Variants in RPTOR observed in about 807,000 individuals in gnomAD.
RPTOR encodes regulatory-associated protein of mTOR.
Under a neutral mutation model 169.9 loss-of-function variants are expected in RPTOR, and 21 were observed. The observed-to-expected ratio is 0.12, with a 90% confidence interval of 0.09 to 0.18. The LOEUF (loss-of-function observed/expected upper bound fraction) is 0.18. RPTOR is among the 10% of genes least tolerant of loss of function. The pLI is 1.00. For synonymous variants in RPTOR, 732 were observed against 753.2 expected (o/e 0.97, Z 0.46); for missense variants, 1,133 against 1,855.9 (o/e 0.61, Z 7.16).
At chr17:80,753,205 A>G (rs2066646173) in intron 5 of RPTOR, among the ~76,000 whole-genome samples, 2 of 152,240 alleles carry the variant, frequency 1.3e-5, no homozygotes, top group African/African-American at 2.4e-5. Context: ...GTCTCTTTTG[A>G]TGGGTCGCTT....
rs368045989 is a variant in RPTOR, at chr17:80,606,193, G to T, written c.163-19498G>T. 3.9e-5 allele frequency among the ~76,000 whole-genome samples: 6 copies of T among 152,120 alleles called. No individual in the cohort carries two copies. The East Asian group carries it at 9.7e-4, about 25-fold the overall frequency. ...TGTCCGGCTAATTTTTGTATTTTCA[G>T]TAGAGACGGGGTTTCACCATGTTAG... On this transcript the variant is annotated intron_variant, in intron 1 of 33. Transcript: ENST00000306801.
rs2069117935 is a variant in RPTOR, at chr17:80,947,478, T to C, written c.3265+127T>C. On this transcript the variant is annotated intron_variant, in intron 27 of 33. Transcript: ENST00000306801. The surrounding 1 kb of genome is among the most constrained non-coding windows in gnomAD (Gnocchi z 4.4). ...AGCCCTGCTCACACGCGAGGGCCAC[T>C]GTCATTCAGAAGTGGGGAGGTTTAT... is the stretch of plus-strand genomic sequence containing the variant. 1.6e-6 allele frequency: 2 copies of C among 1,249,592 alleles called. No individual in the cohort carries two copies. The highest frequency in any genetic ancestry group is 2.1e-6 in the Non-Finnish European group (2 of 967,244). The allele number at this position is 1,249,592 out of a possible 1,614,324, so 77.4% of individuals were successfully genotyped here. A position where few individuals can be genotyped will look rare whatever the true frequency, so the allele number is the denominator to read the frequency against.
chr17:80,838,383 C>T (rs1480261842), intron 10 of RPTOR, among the ~76,000 whole-genome samples: 1 of 152,166 alleles, frequency 6.6e-6, no homozygotes, highest in African/African-American at 2.4e-5. Context: ...GGGTTTGGTG[C>T]TGAACCCTGG....
At chr17:80,951,193 G>A (rs1010880902) in intron 28 of RPTOR, among the ~76,000 whole-genome samples, 6 of 151,936 alleles carry the variant, frequency 3.9e-5, no homozygotes, top group Non-Finnish European at 5.9e-5. Flanking sequence ...GTCCACACCC[G>A]GCTGGGCCTG....
chr17:80,632,298 C>G (rs1003579526), intron 2 of RPTOR, among the ~76,000 whole-genome samples: 1 of 152,210 alleles, frequency 6.6e-6, no homozygotes. Flanking sequence ...TTCGAACAAG[C>G]CTTCCTCATG....
intron 1 of RPTOR, among the ~76,000 whole-genome samples, chr17:80,577,395 A>G (rs148183357): frequency 1.2e-4 from 19 of 152,022 alleles, no homozygotes; most frequent in African/African-American, 4.1e-4. Context: ...TTTCTTTTAG[A>G]CTTTGAGGAC....
chr17:80,605,778 A>C (rs555928114), intron 1 of RPTOR, among the ~76,000 whole-genome samples: 51 of 152,308 alleles, frequency 3.3e-4, no homozygotes, highest in Non-Finnish European at 3.7e-4. Context: ...TCAGTTGCTC[A>C]TGACGAATGC....
chr17:80,578,542 A>G (rs2064986386), intron 1 of RPTOR, among the ~76,000 whole-genome samples: 1 of 152,204 alleles, frequency 6.6e-6, no homozygotes, highest in Non-Finnish European at 1.5e-5. Context: ...TAGAAGGTGT[A>G]TCCACCAAGA....
Position 80,698,068 on chromosome 17 carries a change from C to T in RPTOR, c.349-9773C>T, listed in dbSNP as rs74561136. 1.6e-3 allele frequency among the ~76,000 whole-genome samples: 236 copies of T among 147,296 alleles called. 1 individual carries two copies. The highest frequency in any genetic ancestry group is 6.6e-3 in the East Asian group (33 of 4,978). On this transcript the variant is annotated intron_variant, in intron 3 of 33. Coordinates refer to ENST00000306801, the MANE Select transcript of RPTOR (RefSeq NM_020761.3). Reference sequence around the variant, plus strand: ...CCAGCGAGTAGACAAGGATCCCAGACGGGTGGGTGCGGGGCAAGGTGGGGA... The same window carrying T: ...CCAGCGAGTAGACAAGGATCCCAGATGGGTGGGTGCGGGGCAAGGTGGGGA...
intron 13 of RPTOR, among the ~76,000 whole-genome samples, chr17:80,868,168 T>C (rs1223998213): frequency 6.6e-6 from 1 of 152,172 alleles, no homozygotes; most frequent in Non-Finnish European, 1.5e-5. Flanking sequence ...TGGGAAAATA[T>C]TGACAAATCG....
chr17:80,793,674 G>C (rs1166840950), intron 7 of RPTOR, among the ~76,000 whole-genome samples: 1 of 152,154 alleles, frequency 6.6e-6, no homozygotes. Context: ...GGTCACCTGT[G>C]TCTGTGGCTA....
Position 80,651,798 on chromosome 17 carries a change from G to A in RPTOR, c.348+7988G>A, listed in dbSNP as rs1005596461. ...TTTGGGAGGCCGAGGCGGGTGGATC[G>A]TGAGGTCAGGAGATCGAGACCATGG... On this transcript the variant is annotated intron_variant, in intron 3 of 33. Transcript: ENST00000306801. This position sits in a 1 kb window ranked among gnomAD's most constrained non-coding sequence, Gnocchi z 4.1. Among the ~76,000 whole-genome samples the A allele has an allele frequency of 6.6e-6, 1 of 152,004 alleles. No homozygotes were observed. Among genetic ancestry groups the A allele is most frequent in the African/African-American group, 2.4e-5 (1 of 41,408 alleles).
rs141979852 is a variant in RPTOR at position 80,674,062 on chromosome 17, T to C, written c.348+30252T>C. On this transcript the variant is annotated intron_variant, in intron 3 of 33. Coordinates refer to ENST00000306801, the MANE Select transcript of RPTOR (RefSeq NM_020761.3). Reference sequence around the variant, plus strand: ...TGGTGCATTGCCCCCATCAACTTTTTGTAAAGCACCAATGATTTCACCATT... The same window carrying C: ...TGGTGCATTGCCCCCATCAACTTTTCGTAAAGCACCAATGATTTCACCATT... Among the ~76,000 whole-genome samples the C allele has an allele frequency of 2.3e-3, 354 of 152,346 alleles. 2 individuals are homozygous for C. The highest frequency in any genetic ancestry group is 8.1e-3 in the African/African-American group (337 of 41,582).
chr17:80,865,782 T>C (rs1208317353), intron 13 of RPTOR, among the ~76,000 whole-genome samples: 1 of 151,960 alleles, frequency 6.6e-6, no homozygotes, highest in Non-Finnish European at 1.5e-5. Flanking sequence ...AGTGGGGACT[T>C]GAGCAGCACT....
rs2084519335 is a variant in RPTOR, at chr17:80,562,951, G to A, written c.162+17160G>A. ...TGTGACCGTCGCCTGCCTTGCTGCC[G>A]ATGTCCTGAAGATGCTTCATGTTGG... On this transcript the variant is annotated intron_variant, in intron 1 of 33. Transcript: ENST00000306801. This position sits in a 1 kb window ranked among gnomAD's most constrained non-coding sequence, Gnocchi z 4.4. 6.6e-6 allele frequency among the ~76,000 whole-genome samples: 1 copy of A among 152,310 alleles called. No homozygotes were observed. Among genetic ancestry groups the A allele is most frequent in the East Asian group, 1.9e-4 (1 of 5,184 alleles).
At chr17:80,816,495 C>T (rs1295743354) in intron 7 of RPTOR, among the ~76,000 whole-genome samples, 2 of 152,188 alleles carry the variant, frequency 1.3e-5, no homozygotes, top group Admixed American at 1.3e-4. Context: ...CCAGGCAAGC[C>T]GAGGGTGAAG....
At chr17:80,867,419 A>G (rs369839946) in intron 13 of RPTOR, among the ~76,000 whole-genome samples, 25 of 152,156 alleles carry the variant, frequency 1.6e-4, no homozygotes, top group African/African-American at 5.1e-4. Context: ...CTACCTGACA[A>G]ACAGCATCTC....
chr17:80,684,940 G>T (rs2065925604), intron 3 of RPTOR, among the ~76,000 whole-genome samples: 2 of 152,094 alleles, frequency 1.3e-5, no homozygotes, highest in Admixed American at 6.5e-5. Context: ...GTAACATTTT[G>T]CAATTACAGA....
rs1007371132 is a variant in RPTOR at position 80,609,176 on chromosome 17, C to T, written c.163-16515C>T. Among the ~76,000 whole-genome samples, 2 of 152,144 alleles carry T rather than the reference C, an allele frequency of 1.3e-5. No individual in the cohort carries two copies. Among genetic ancestry groups the T allele is most frequent in the Non-Finnish European group, 2.9e-5 (2 of 68,030 alleles). On this transcript the variant is annotated intron_variant, in intron 1 of 33. Transcript: ENST00000306801. This position sits in a 1 kb window ranked among gnomAD's most constrained non-coding sequence, Gnocchi z 4.8. ...GGCTGCAGGGGGCGGGGAGCACATGCGGCGTGCAGACCTTTCCTTAGGTTT... is the reference window on the plus strand; with the variant it reads ...GGCTGCAGGGGGCGGGGAGCACATGTGGCGTGCAGACCTTTCCTTAGGTTT...
Sources: allele counts gnomAD v4.1 joint callset (sites outside exome capture counted in the v4.1 genomes callset), GRCh38; gene constraint gnomAD v4.1.1; non-coding constraint Gnocchi (gnomAD v3.1); transcripts MANE v1.5; gene names NCBI Gene and HGNC (gene_info 2026-07-23, HGNC 2026-07-21).